The following FGF14 variants were observed in gnomAD, a reference collection of about 807,000 sequenced individuals.
FGF14 encodes fibroblast growth factor homologous factor 4.
FGF14 carries 5 observed loss-of-function variants against 25.5 expected under a neutral mutation model. That is an observed-to-expected ratio of 0.20 (90% CI 0.10 to 0.41). The LOEUF (loss-of-function observed/expected upper bound fraction) is 0.41. FGF14 is among the 10% of genes least tolerant of loss of function. The pLI, the probability that FGF14 is intolerant of heterozygous loss-of-function variation, is 1.00. For missense variants in FGF14, 222 were observed against 320.1 expected (o/e 0.69, Z 2.34); for synonymous variants, 138 against 118.3 (o/e 1.17, Z -1.08).
chr13:101,902,942 C>T (rs1019621841), intron 1 of FGF14, among the ~76,000 whole-genome samples: 1 of 152,090 alleles, frequency 6.6e-6, no homozygotes, highest in African/African-American at 2.4e-5. Context: ...CTCTCTCTTC[C>T]AAAGAAAGCC....
upstream of FGF14, among the ~76,000 whole-genome samples, chr13:101,917,487 G>A (rs142646264): frequency 2.0e-5 from 3 of 152,246 alleles, no homozygotes; most frequent in South Asian, 2.1e-4. Context: ...GATGCAACTC[G>A]CTGGTTCCCG....
intron 1 of FGF14, among the ~76,000 whole-genome samples, chr13:101,991,876 A>C (rs1193247704): frequency 6.6e-6 from 1 of 152,064 alleles, no homozygotes; most frequent in Non-Finnish European, 1.5e-5. Context: ...AAATCCCCTC[A>C]TGTTTCCTTC....
chr13:101,937,588 T>TTTTGTTTG (rs143232373), intron 1 of FGF14, among the ~76,000 whole-genome samples: 2 of 151,800 alleles, frequency 1.3e-5, no homozygotes, highest in Admixed American at 6.6e-5. Flanking sequence ...CATTGCTGTT[T>TTTTGTTTG]TTTGTTTGTT....
chr13:101,772,836 T>A (rs978542872), intron 3 of FGF14, among the ~76,000 whole-genome samples: 2 of 152,146 alleles, frequency 1.3e-5, no homozygotes, highest in African/African-American at 4.8e-5. Context: ...GAATCAAAGA[T>A]AATTTTCCTA....
chr13:102,354,378 A>G (rs1192818344), intron 1 of FGF14, among the ~76,000 whole-genome samples: 1 of 152,166 alleles, frequency 6.6e-6, no homozygotes, highest in Non-Finnish European at 1.5e-5. Context: ...CCTCTCTCAC[A>G]TGTAAATTCT....
At chr13:102,346,693 T>C (rs1370694172) in intron 1 of FGF14, among the ~76,000 whole-genome samples, 3 of 152,154 alleles carry the variant, frequency 2.0e-5, no homozygotes, top group African/African-American at 7.2e-5. Flanking sequence ...TTCAAGGTTA[T>C]AAAATTTCAA....
chr13:101,811,563 C>T (rs2041511130), intron 3 of FGF14, among the ~76,000 whole-genome samples: 1 of 152,182 alleles, frequency 6.6e-6, no homozygotes, highest in African/African-American at 2.4e-5. Context: ...AATAAAGCTG[C>T]TATAAACATC....
chr13:102,023,942 C>T (rs1262966307), intron 1 of FGF14, among the ~76,000 whole-genome samples: 1 of 151,960 alleles, frequency 6.6e-6, no homozygotes, highest in African/African-American at 2.4e-5. Context: ...GTTGTGGTCC[C>T]ACACCAAGAT....
intron 1 of FGF14, among the ~76,000 whole-genome samples, chr13:102,229,694 G>A (rs1594498804): frequency 6.6e-6 from 1 of 152,120 alleles, no homozygotes; most frequent in African/African-American, 2.4e-5. Context: ...AGGCTTCTCA[G>A]GCCTTGGTCA....
At chr13:101,736,366 T>C (rs1368491601) in intron 3 of FGF14, among the ~76,000 whole-genome samples, 2 of 152,184 alleles carry the variant, frequency 1.3e-5, no homozygotes, top group Non-Finnish European at 2.9e-5. Flanking sequence ...TTATTTCCCC[T>C]CTGCAATAAA....
intron 1 of FGF14, among the ~76,000 whole-genome samples, chr13:102,338,018 C>T (rs1420204889): frequency 6.6e-6 from 1 of 152,008 alleles, no homozygotes; most frequent in East Asian, 1.9e-4. Context: ...TGCTCGTCTG[C>T]AATATCTCCA....
intron 1 of FGF14, chr13:102,293,645 T>C (rs749407688): frequency 6.6e-6 from 1 of 152,178 alleles, no homozygotes; most frequent in South Asian, 2.1e-4. Flanking sequence ...TCTGAGGTGG[T>C]ATCTATAATG....
At position 102,345,452 on chromosome 13, in the gene FGF14, T is replaced by A. The variant is rs565978120; in HGVS notation, c.208+56019A>T. Among the ~76,000 whole-genome samples the A allele has an allele frequency of 1.7e-4, 26 of 152,314 alleles. No individual in the cohort carries two copies. The South Asian group carries it at 5.2e-3, about 30-fold the overall frequency. ...GGAAAACAAATAAAGCAAATAAAAA[T>A]TCTCTCCATCCTCTCTCAACCTATC... On this transcript the variant is annotated intron_variant, in intron 1 of 4. Transcript: ENST00000376131.
chr13:102,086,448 T>A (rs374172540), intron 1 of FGF14, among the ~76,000 whole-genome samples: 4 of 152,172 alleles, frequency 2.6e-5, no homozygotes, highest in South Asian at 4.2e-4. Context: ...GAGACTGGCG[T>A]GAACCCGGGA....
chr13:102,076,642 C>T (rs1014249049), intron 1 of FGF14, among the ~76,000 whole-genome samples: 20 of 152,024 alleles, frequency 1.3e-4, no homozygotes, highest in African/African-American at 4.6e-4. Flanking sequence ...AAATGGAAGA[C>T]ACAAATAAAT....
intron 3 of FGF14, among the ~76,000 whole-genome samples, chr13:101,769,601 A>G (rs2038629277): frequency 2.0e-5 from 3 of 152,174 alleles, no homozygotes; most frequent in Admixed American, 2.0e-4. Context: ...TGGAACATCC[A>G]GGCAATGAAG....
At position 101,870,413 on chromosome 13, in the gene FGF14, T is replaced by C. The variant is rs115701708; in HGVS notation, c.305-1585A>G. Among the ~76,000 whole-genome samples the C allele has an allele frequency of 4.7e-3, 716 of 152,294 alleles. 6 individuals carry two copies. The highest frequency in any genetic ancestry group is 0.016 in the African/African-American group (685 of 41,560). On this transcript the variant is annotated intron_variant, in intron 2 of 4. Coordinates refer to ENST00000376143, the MANE Select transcript of FGF14 (RefSeq NM_004115.4). ...TAATCATATGACTGTCCACGCAAGG[T>C]ACACTAACTTAATCAATTCAAATTT...
intron 1 of FGF14, among the ~76,000 whole-genome samples, chr13:102,234,870 G>A (rs1190276799): frequency 1.3e-5 from 2 of 152,194 alleles, no homozygotes; most frequent in African/African-American, 4.8e-5. Context: ...GAAGCCATGT[G>A]TAGAAAAGAC....
intron 1 of FGF14, among the ~76,000 whole-genome samples, chr13:102,310,696 T>TGTGTGGG (rs1269681335): frequency 2.9e-4 from 1 of 3,478 alleles, no homozygotes; most frequent in East Asian, 0.012. Flanking sequence ...TGTGTGTGTG[T>TGTGTGGG]GGGGGGGGGG....
Sources: allele counts gnomAD v4.1 joint callset (sites outside exome capture counted in the v4.1 genomes callset), GRCh38; gene constraint gnomAD v4.1.1; transcripts MANE v1.5; gene names NCBI Gene and HGNC (gene_info 2026-07-23, HGNC 2026-07-21).